The following MAP3K7CL variants were observed in gnomAD, a reference collection of about 807,000 sequenced individuals.
The protein encoded by MAP3K7CL is MAP3K7 C-terminal-like protein.
MAP3K7CL carries 16 observed loss-of-function variants against 18.6 expected under a neutral mutation model. That is an observed-to-expected ratio of 0.86 (90% CI 0.58 to 1.31). The LOEUF is 1.31. Ranked by LOEUF, MAP3K7CL falls within the 50% of genes most tolerant of loss-of-function variation. The probability of loss-of-function intolerance (pLI) is 0.00; values close to 1 mark genes in which losing one functional copy is unlikely to be tolerated. For missense variants in MAP3K7CL, 163 were observed against 174.4 expected, an observed-to-expected ratio of 0.93 and a Z score of 0.37; for synonymous variants, 65 against 66.8, an observed-to-expected ratio of 0.97 and a Z score of 0.13.
chr21:29,159,912 G>T (rs1422258496), intron 3 of MAP3K7CL, 29 bp from the exon 4 acceptor site: 8 of 1,545,834 alleles, frequency 5.2e-6, no homozygotes, highest in Non-Finnish European at 8.9e-7. Flanking sequence ...GCAAAGAAAT[G>T]GACTAATTTC....
Position 29,133,292 on chromosome 21 carries a change from T to C in MAP3K7CL, c.-39-14T>C. 1 of 1,545,448 alleles carries C rather than the reference T, an allele frequency of 6.5e-7. No individual in the cohort carries two copies. Among genetic ancestry groups the C allele is most frequent in the Non-Finnish European group, 8.8e-7 (1 of 1,142,540 alleles). The stretch of plus-strand genomic sequence containing the variant: ...GCTGGATAAAGTGACAATGGCTCTC[T>C]CTTGCTGTCACAGCTGGAAGACCCA... On this transcript the variant is annotated splice_polypyrimidine_tract_variant and intron_variant, in intron 1 of 4. Coordinates refer to ENST00000399928, the MANE Select transcript of MAP3K7CL (RefSeq NM_001286620.2).
chr21:29,086,408 A>G (rs2085926606), intron 1 of MAP3K7CL, among the ~76,000 whole-genome samples: 1 of 152,164 alleles, frequency 6.6e-6, no homozygotes, highest in Admixed American at 6.5e-5. Context: ...GCTCTGGAAA[A>G]TGAGTGGAAG....
chr21:29,135,335 GAC>G (rs1379095727), intron 2 of MAP3K7CL, among the ~76,000 whole-genome samples: 3 of 152,148 alleles, frequency 2.0e-5, no homozygotes, highest in Non-Finnish European at 2.9e-5. Context: ...TAGCTCTCAA[GAC>G]ACACGCGTGC....
At chr21:29,115,231 G>A (rs530695239) in intron 4 of MAP3K7CL, among the ~76,000 whole-genome samples, 1 of 152,156 alleles carries the variant, frequency 6.6e-6, no homozygotes, top group Admixed American at 6.6e-5. Flanking sequence ...AGCCCAAAAG[G>A]TATCCTGTTT....
At chr21:29,123,453 A>C (rs2086631871) in intron 4 of MAP3K7CL, among the ~76,000 whole-genome samples, 1 of 152,200 alleles carries the variant, frequency 6.6e-6, no homozygotes, top group African/African-American at 2.4e-5. Flanking sequence ...TTCTAGATCC[A>C]ATGGCTAATT....
intron 4 of MAP3K7CL, among the ~76,000 whole-genome samples, chr21:29,118,095 A>T (rs184011939): frequency 7.1e-5 from 10 of 141,698 alleles, no homozygotes; most frequent in East Asian, 4.3e-4. Flanking sequence ...AATTAAAAAA[A>T]TTTTTTTTGA....
At chr21:29,158,967 C>G (rs991716896) in intron 3 of MAP3K7CL, among the ~76,000 whole-genome samples, 10 of 129,776 alleles carry the variant, frequency 7.7e-5, no homozygotes, top group African/African-American at 3.0e-4. Flanking sequence ...GTCACCCAGG[C>G]TGGAGTACAG....
chr21:29,151,317 T>G (rs948371248), intron 3 of MAP3K7CL, among the ~76,000 whole-genome samples: 3 of 151,404 alleles, frequency 2.0e-5, no homozygotes, highest in Non-Finnish European at 4.4e-5. Context: ...ATTAGCCAGG[T>G]GTGGTGGCAC....
At chr21:29,099,918 C>T (rs1371628893) in intron 4 of MAP3K7CL, among the ~76,000 whole-genome samples, 2 of 151,954 alleles carry the variant, frequency 1.3e-5, no homozygotes, top group African/African-American at 4.8e-5. Context: ...CCCGTCTCTA[C>T]TAAAAATACA....
Position 29,174,918 on chromosome 21 carries a change from C to A in MAP3K7CL, c.*26C>A. 6.2e-7 allele frequency: 1 copy of A among 1,606,860 alleles called. No homozygotes were observed. Among genetic ancestry groups the A allele is most frequent in the Non-Finnish European group, 8.5e-7 (1 of 1,175,736 alleles). ...CTTTAAATTTTTCAGTGTGAGCATA[C>A]GAGGCTGATGACTGCCCTGTGCTGG... On this transcript the variant is annotated 3_prime_UTR_variant, in exon 5 of 5. Coordinates refer to ENST00000399928, the MANE Select transcript of MAP3K7CL (RefSeq NM_001286620.2).
intron 4 of MAP3K7CL, among the ~76,000 whole-genome samples, chr21:29,098,159 T>G (rs1308806504): frequency 1.3e-5 from 2 of 152,174 alleles, no homozygotes; most frequent in Non-Finnish European, 2.9e-5. Context: ...CAAAAAGTTC[T>G]GTTGGAGAGC....
upstream of MAP3K7CL, among the ~76,000 whole-genome samples, chr21:29,127,233 T>G (rs189034906): frequency 1.6e-4 from 24 of 152,350 alleles, no homozygotes; most frequent in African/African-American, 5.8e-4. Context: ...AAAAGCTCCT[T>G]GAATATTATT....
intron 3 of MAP3K7CL, among the ~76,000 whole-genome samples, chr21:29,153,187 T>C (rs927345054): frequency 3.9e-5 from 6 of 152,218 alleles, no homozygotes; most frequent in Non-Finnish European, 7.3e-5. Context: ...TGCAAAATAT[T>C]GAGCAAGAGA....
At chr21:29,163,693 CTTTTT>C (rs397866386) in intron 4 of MAP3K7CL, among the ~76,000 whole-genome samples, 10 of 126,000 alleles carry the variant, frequency 7.9e-5, no homozygotes, top group African/African-American at 2.4e-4. Flanking sequence ...CCCTTTCTTC[CTTTTT>C]TTTTTTTTTT....
chr21:29,081,509 C>T (rs922213979), upstream of MAP3K7CL, among the ~76,000 whole-genome samples: 1 of 152,104 alleles, frequency 6.6e-6, no homozygotes, highest in African/African-American at 2.4e-5. Context: ...GCCGAGATCG[C>T]GCCACTGCGC....
At chr21:29,165,930 A>G (rs560960600) in intron 4 of MAP3K7CL, among the ~76,000 whole-genome samples, 1 of 152,364 alleles carries the variant, frequency 6.6e-6, no homozygotes, top group East Asian at 1.9e-4. Context: ...ATGTTTTCAT[A>G]CATGGACACA....
At chr21:29,134,681 C>T (rs2086845840) in intron 2 of MAP3K7CL, among the ~76,000 whole-genome samples, 1 of 152,234 alleles carries the variant, frequency 6.6e-6, no homozygotes, top group South Asian at 2.1e-4. Context: ...TCCACCCCAA[C>T]ATAGAAATGA....
At chr21:29,092,733 T>C in intron 4 of MAP3K7CL, 1 of 783,296 alleles carries the variant, frequency 1.3e-6, no homozygotes, top group Non-Finnish European at 2.0e-6. Flanking sequence ...TGGGTGTTCT[T>C]CTATCTCCTT....
chr21:29,099,005 A>G (rs1436390942), intron 4 of MAP3K7CL, among the ~76,000 whole-genome samples: 3 of 152,130 alleles, frequency 2.0e-5, no homozygotes, highest in African/African-American at 7.2e-5. Flanking sequence ...TCTCCTCCCA[A>G]CCAAGTTGGG....
Sources: allele counts gnomAD v4.1 joint callset (sites outside exome capture counted in the v4.1 genomes callset), GRCh38; gene constraint gnomAD v4.1.1; transcripts MANE v1.5; gene names NCBI Gene and HGNC (gene_info 2026-07-23, HGNC 2026-07-21).